NRCAM: variants seen among roughly 807,000 people sequenced by gnomAD.
NRCAM encodes the protein NgCAM-related cell adhesion molecule.
A neutral mutation model predicts 156.5 loss-of-function variants in NRCAM; 83 were observed. The observed-to-expected ratio is 0.53, with a 90% CI of 0.44 to 0.64. The LOEUF (loss-of-function observed/expected upper bound fraction) is 0.64, where lower values mean the gene tolerates loss of function less well. NRCAM is among the 30% of genes least tolerant of loss of function. NRCAM has a pLI of 0.00. For synonymous variants in NRCAM, 538 were observed against 563.9 expected (o/e 0.95, Z 0.65); for missense variants, 1,417 against 1,597.3 (o/e 0.89, Z 1.92).
At position 108,180,317 on chromosome 7, in the gene NRCAM, C is replaced by G; in HGVS notation, c.2757G>C (p.Glu919Asp). The G allele has an allele frequency of 6.2e-7, 1 of 1,614,236 alleles. No homozygotes were observed. The highest frequency in any genetic ancestry group is 8.5e-7 in the Non-Finnish European group (1 of 1,180,038). ...CATTCAGTGTGTAGTGGCTAAAGGGCTCTAGCCCCGGCAACATGCCATGAG... is the reference window on the plus strand; with the variant it reads ...CATTCAGTGTGTAGTGGCTAAAGGGGTCTAGCCCCGGCAACATGCCATGAG... ...SKTHGMLPGL[E>D]PFSHYTLNVR... Residue 919 changes from glutamate (E) to aspartate (D), a missense_variant, in exon 25 of 33, where the codon GAG becomes GAC. Transcript: ENST00000379028.
intron 3 of NRCAM, among the ~76,000 whole-genome samples, chr7:108,274,295 T>C (rs2097502594): frequency 6.6e-6 from 1 of 152,226 alleles, no homozygotes. Context: ...GTTAGTTTGA[T>C]AGGGATAGCA....
chr7:108,259,093 G>A (rs1333150729), intron 3 of NRCAM, among the ~76,000 whole-genome samples: 1 of 152,158 alleles, frequency 6.6e-6, no homozygotes, highest in African/African-American at 2.4e-5. Flanking sequence ...ACACAGCGTG[G>A]AACATTTTCA....
chr7:108,409,491 A>C (rs1465347753), intron 1 of NRCAM, among the ~76,000 whole-genome samples: 2 of 152,018 alleles, frequency 1.3e-5, no homozygotes, highest in East Asian at 3.9e-4. Flanking sequence ...GCCTCTTTAG[A>C]TCTCTCCCTG....
At chr7:108,157,593 T>C (rs574320835) in intron 32 of NRCAM, among the ~76,000 whole-genome samples, 1 of 152,266 alleles carries the variant, frequency 6.6e-6, no homozygotes, top group South Asian at 2.1e-4. Context: ...AGGGGGTACA[T>C]GTGCAAGTTT....
At chr7:108,264,854 T>C (rs989047871) in intron 3 of NRCAM, among the ~76,000 whole-genome samples, 1 of 152,182 alleles carries the variant, frequency 6.6e-6, no homozygotes, top group African/African-American at 2.4e-5. Flanking sequence ...AAAAAGTTAT[T>C]CTCTTTTTAA....
intron 2 of NRCAM, among the ~76,000 whole-genome samples, chr7:108,397,419 T>A (rs1278333390): frequency 1.3e-5 from 2 of 152,136 alleles, no homozygotes; most frequent in African/African-American, 2.4e-5. Flanking sequence ...AAGTTGAAAT[T>A]TTTACCCCAG....
At chr7:108,207,165 T>A (rs2081607576) in intron 13 of NRCAM, 1 of 170,680 alleles carries the variant, frequency 5.9e-6, no homozygotes, top group African/African-American at 2.4e-5. Flanking sequence ...TCCCCACCTA[T>A]CTCCTCTAGT....
At chr7:108,190,310 G>A (rs1446766560) in intron 19 of NRCAM, among the ~76,000 whole-genome samples, 1 of 152,186 alleles carries the variant, frequency 6.6e-6, no homozygotes, top group East Asian at 1.9e-4. Context: ...GGACAACAGT[G>A]TATAGACAGA....
chr7:108,299,114 A>AAAAAAAAAAAAAAAAAG, intron 3 of NRCAM, among the ~76,000 whole-genome samples: 2 of 25,516 alleles, frequency 7.8e-5, no homozygotes, highest in African/African-American at 2.2e-4. Flanking sequence ...TCAAAAAAAA[A>AAAAAAAAAAAAAAAAAG]AAAGAAAGAA....
At chr7:108,307,449 C>T (rs910116956) in intron 3 of NRCAM, among the ~76,000 whole-genome samples, 5 of 152,188 alleles carry the variant, frequency 3.3e-5, no homozygotes, top group South Asian at 2.1e-4. Flanking sequence ...ATATCCTACT[C>T]GACTCTTTCA....
At chr7:108,306,855 A>G (rs2098721937) in intron 3 of NRCAM, among the ~76,000 whole-genome samples, 1 of 152,222 alleles carries the variant, frequency 6.6e-6, no homozygotes. Context: ...CCATTTACAC[A>G]TCTCTTCCCA....
intron 11 of NRCAM, among the ~76,000 whole-genome samples, chr7:108,222,068 G>A (rs576571326): frequency 3.3e-5 from 5 of 152,118 alleles, no homozygotes; most frequent in African/African-American, 7.2e-5. Context: ...AAAACATGCT[G>A]TAAGTATAAA....
At chr7:108,425,146 T>A (rs765170236) in intron 1 of NRCAM, among the ~76,000 whole-genome samples, 5 of 152,180 alleles carry the variant, frequency 3.3e-5, no homozygotes, top group African/African-American at 1.2e-4. Flanking sequence ...ATGGCTTTCA[T>A]CAGATTTTTT....
chr7:108,392,006 C>CT (rs1316949822), intron 2 of NRCAM, among the ~76,000 whole-genome samples: 1 of 152,122 alleles, frequency 6.6e-6, no homozygotes, highest in Non-Finnish European at 1.5e-5. Flanking sequence ...TGCCCTTAAC[C>CT]TTTTTTCCTT....
At chr7:108,446,535 G>A (rs183654081) in intron 1 of NRCAM, among the ~76,000 whole-genome samples, 8 of 152,254 alleles carry the variant, frequency 5.3e-5, no homozygotes, top group African/African-American at 1.4e-4. Context: ...CAGGCTCCTC[G>A]CAGAACAGAG....
chr7:108,171,231 T>C (rs549525025), intron 28 of NRCAM, among the ~76,000 whole-genome samples: 2 of 152,216 alleles, frequency 1.3e-5, no homozygotes, highest in South Asian at 4.2e-4. Context: ...TCTTCCTCTG[T>C]AGATACCGCC....
At chr7:108,281,917 G>C (rs943311311) in intron 3 of NRCAM, among the ~76,000 whole-genome samples, 3 of 152,236 alleles carry the variant, frequency 2.0e-5, no homozygotes, top group African/African-American at 7.2e-5. Context: ...AAGTGTCTGA[G>C]ATTTCTTCCA....
intron 2 of NRCAM, among the ~76,000 whole-genome samples, chr7:108,327,045 T>G (rs896090231): frequency 2.6e-5 from 4 of 152,210 alleles, no homozygotes; most frequent in African/African-American, 9.7e-5. Flanking sequence ...ATTTTATTTT[T>G]AATCTACCTA....
chr7:108,252,518 T>A (rs2096409346), intron 3 of NRCAM, among the ~76,000 whole-genome samples: 1 of 152,228 alleles, frequency 6.6e-6, no homozygotes, highest in South Asian at 2.1e-4. Flanking sequence ...TATTCACATG[T>A]ACTCCCAAAC....
Sources: gnomAD v4.1 joint callset for allele counts (sites outside exome capture counted in the v4.1 genomes callset) on GRCh38, gnomAD v4.1.1 for gene constraint, MANE v1.5 for transcripts, NCBI Gene and HGNC (gene_info 2026-07-23, HGNC 2026-07-21) for gene names.